Variants in PRDM16 observed in about 807,000 individuals in gnomAD.
The protein encoded by PRDM16 is histone-lysine N-methyltransferase PRDM16.
PRDM16 carries 23 observed loss-of-function variants against 110.6 expected under a neutral mutation model. The observed-to-expected ratio is 0.21, with a 90% CI of 0.15 to 0.29. The LOEUF (loss-of-function observed/expected upper bound fraction) is 0.29, where lower values mean the gene tolerates loss of function less well. Ranked by LOEUF, PRDM16 falls within the 10% of genes least tolerant of loss-of-function variation. The pLI is 1.00. For synonymous variants in PRDM16, 799 were observed against 781.8 expected (o/e 1.02, Z -0.37); for missense variants, 1,615 against 1,794.3 (o/e 0.90, Z 1.81).
intron 3 of PRDM16, 146 bp from the exon 4 acceptor site, chr1:3,385,006 G>T (rs1373597852): frequency 2.1e-6 from 2 of 951,544 alleles, no homozygotes; most frequent in Non-Finnish European, 1.6e-6. Context: ...GAGCCCCGCT[G>T]ATGCCCGGAG....
At position 3,248,967 on chromosome 1, in the gene PRDM16, C is replaced by T. The variant is rs72632115; in HGVS notation, c.438+4830C>T. Among the ~76,000 whole-genome samples, 445 of 152,290 alleles carry T rather than the reference C, an allele frequency of 2.9e-3. 1 individual carries two copies. The highest frequency in any genetic ancestry group is 4.4e-3 in the Non-Finnish European group (302 of 68,026). ...AGTTGGGAGCGAGACAGACAGGCAA[C>T]TGCTAAGTGTCTTTTGTGCAGCAGT... On this transcript the variant is annotated intron_variant, in intron 3 of 16. Coordinates refer to ENST00000270722, the MANE Select transcript of PRDM16 (RefSeq NM_022114.4).
At chr1:3,124,899 G>A (rs1222421878) in intron 1 of PRDM16, among the ~76,000 whole-genome samples, 1 of 152,216 alleles carries the variant, frequency 6.6e-6, no homozygotes, top group Non-Finnish European at 1.5e-5. Context: ...GTAGGCTGGA[G>A]AAGGGGCCCC....
At chr1:3,230,014 C>T (rs1406380067) in intron 2 of PRDM16, among the ~76,000 whole-genome samples, 1 of 152,240 alleles carries the variant, frequency 6.6e-6, no homozygotes, top group East Asian at 1.9e-4. Context: ...TGCATGAACA[C>T]TCTGTGCACT....
In PRDM16 at chr1:3,178,378, C is replaced by A. The variant is rs191637725; in HGVS notation, c.38-7747C>A. The stretch of plus-strand genomic sequence containing the variant: ...CTGCCTCCCTCACCTCCGCACAGCC[C>A]CAAACCCAGAACCGAGCTCTGCGGA... On this transcript the variant is annotated intron_variant, in intron 1 of 16. Transcript: ENST00000270722. Among the ~76,000 whole-genome samples the A allele has an allele frequency of 4.3e-4, 65 of 152,278 alleles. No individual in the cohort carries two copies. The Middle Eastern group carries it at 0.01, about 24-fold the overall frequency.
At chr1:3,164,451 C>G (rs1293784560) in intron 1 of PRDM16, among the ~76,000 whole-genome samples, 1 of 152,172 alleles carries the variant, frequency 6.6e-6, no homozygotes. Flanking sequence ...AGGAGGGCAC[C>G]GAGGGCCATG....
chr1:3,128,325 C>T lies in PRDM16; in HGVS notation c.38-57800C>T, dbSNP rs151256961. ...CTTGTCCTAGAAAGTCTGGGGTCGT[C>T]AGATCAACTTTGATTTCCTATTTTA... On this transcript the variant is annotated intron_variant, in intron 1 of 16. Transcript: ENST00000270722. Among the ~76,000 whole-genome samples the T allele has an allele frequency of 4.5e-3, 684 of 152,314 alleles. 10 individuals are homozygous for T. The highest frequency in any genetic ancestry group is 0.016 in the African/African-American group (647 of 41,580).
intron 1 of PRDM16, among the ~76,000 whole-genome samples, chr1:3,105,958 T>C (rs1447968838): frequency 2.0e-5 from 2 of 101,606 alleles, no homozygotes; most frequent in Non-Finnish European, 3.5e-5. Flanking sequence ...CCACCTGTGC[T>C]CCTTAGTTGG....
intron 3 of PRDM16, among the ~76,000 whole-genome samples, chr1:3,354,266 C>T (rs1318060571): frequency 6.6e-6 from 1 of 152,062 alleles, no homozygotes. Flanking sequence ...TTGAGACCAG[C>T]CTGGCCAACT....
intron 8 of PRDM16, among the ~76,000 whole-genome samples, chr1:3,408,727 T>A (rs1046108361): frequency 7.4e-6 from 1 of 135,306 alleles, no homozygotes; most frequent in African/African-American, 3.2e-5. Flanking sequence ...TGTGTGAGTG[T>A]GGGCGCGTGA....
At chr1:3,184,003 C>A (rs772425826) in intron 1 of PRDM16, among the ~76,000 whole-genome samples, 2 of 152,152 alleles carry the variant, frequency 1.3e-5, no homozygotes, top group South Asian at 2.1e-4. Flanking sequence ...TACCACCCCC[C>A]CCAATGTACC....
intron 1 of PRDM16, among the ~76,000 whole-genome samples, chr1:3,134,170 C>T (rs1036659847): frequency 2.6e-5 from 4 of 152,144 alleles, no homozygotes; most frequent in African/African-American, 9.7e-5. Context: ...GAGATCAGCA[C>T]CTCCCGGCGC....
intron 1 of PRDM16, among the ~76,000 whole-genome samples, chr1:3,108,840 T>A (rs1187166474): frequency 6.6e-6 from 1 of 151,564 alleles, no homozygotes; most frequent in Non-Finnish European, 1.5e-5. Context: ...TCCCAAAAGG[T>A]GCTGGCAAAT....
At chr1:3,232,088 G>A (rs538522165) in intron 2 of PRDM16, among the ~76,000 whole-genome samples, 2 of 152,258 alleles carry the variant, frequency 1.3e-5, no homozygotes, top group South Asian at 2.1e-4. Flanking sequence ...AGCTGCGACC[G>A]ACACCCAGGA....
At chr1:3,160,211 C>T (rs1016118807) in intron 1 of PRDM16, among the ~76,000 whole-genome samples, 1 of 152,176 alleles carries the variant, frequency 6.6e-6, no homozygotes, top group African/African-American at 2.4e-5. Flanking sequence ...GGTGAGGCCG[C>T]GGTTCCTGCC....
intron 3 of PRDM16, among the ~76,000 whole-genome samples, chr1:3,333,840 C>T (rs965445484): frequency 4.6e-5 from 7 of 152,148 alleles, no homozygotes; most frequent in African/African-American, 1.7e-4. Flanking sequence ...AGGACCTCCC[C>T]AGCCTCTCCC....
intron 2 of PRDM16, among the ~76,000 whole-genome samples, chr1:3,210,265 G>T (rs1053729146): frequency 6.6e-6 from 1 of 152,200 alleles, no homozygotes; most frequent in African/African-American, 2.4e-5. Flanking sequence ...CTTGCACTAG[G>T]ATTCAACATG....
chr1:3,118,123 G>A (rs1267310857), intron 1 of PRDM16, among the ~76,000 whole-genome samples: 1 of 151,144 alleles, frequency 6.6e-6, no homozygotes, highest in Non-Finnish European at 1.5e-5. Context: ...GCGTGTGCGT[G>A]TGTGCGTGTG....
intron 2 of PRDM16, chr1:3,207,052 GAC>G (rs1638768002): frequency 6.6e-6 from 1 of 152,274 alleles, no homozygotes; most frequent in Non-Finnish European, 1.5e-5. Flanking sequence ...GAGCAGAGGA[GAC>G]ACAGCTGTGG....
chr1:3,285,473 A>G lies in PRDM16; in HGVS notation c.438+41336A>G, dbSNP rs1340194589. On this transcript the variant is annotated intron_variant, in intron 3 of 16. Transcript: ENST00000270722. ...CACAGCCGCTGTGTCGCCCCCACTC[A>G]CAAATCTCGGGACGGACATGTCCCC... is the stretch of plus-strand genomic sequence containing the variant. Among the ~76,000 whole-genome samples, 4 of 152,014 alleles carry G rather than the reference A, an allele frequency of 2.6e-5. No homozygotes were observed. The East Asian group carries it at 7.7e-4, about 29-fold the overall frequency.
Sources: gnomAD v4.1 joint callset for allele counts (sites outside exome capture counted in the v4.1 genomes callset) on GRCh38, gnomAD v4.1.1 for gene constraint, MANE v1.5 for transcripts, NCBI Gene and HGNC (gene_info 2026-07-23, HGNC 2026-07-21) for gene names.